OR4K15: variants seen among roughly 807,000 people sequenced by gnomAD.
The protein encoded by OR4K15 is olfactory receptor 4K15.
For synonymous variants in OR4K15, 144 were observed against 145.6 expected, an observed-to-expected ratio of 0.99 and a Z score of 0.08; for missense variants, 392 against 390.2, an observed-to-expected ratio of 1.00 and a Z score of -0.04.
At position 19,976,291 on chromosome 14, in the gene OR4K15, C is replaced by G; in HGVS notation, c.701C>G (p.Ala234Gly). The change falls in exon 1 of 1, where the codon GCG becomes GGG. Residue 234 changes from alanine (A) to glycine (G), a missense_variant. Physicochemically the swap from Ala to Gly is moderately conservative, Grantham distance 60. Coordinates refer to ENST00000305051, the MANE Select transcript of OR4K15 (RefSeq NM_001005486.2). ...AGGAATCGCTCCTCTGCAAGCATGG[C>G]GAAGGCCCGCTCCACATTGACTGCT... ...TVRNRSSASM[A>G]KARSTLTAHI... is the part of the protein sequence containing the mutation. 1 of 1,613,712 alleles carries G rather than the reference C, an allele frequency of 6.2e-7. No homozygotes were observed. Among genetic ancestry groups the G allele is most frequent in the Non-Finnish European group, 8.5e-7 (1 of 1,179,694 alleles).
chr14:19,975,963 G>T lies in OR4K15; in HGVS notation c.373G>T (p.Ala125Ser), dbSNP rs1200370361. 1.2e-6 allele frequency: 2 copies of T among 1,613,594 alleles called. No individual in the cohort carries two copies. The highest frequency in any genetic ancestry group is 1.7e-6 in the Non-Finnish European group (2 of 1,179,784). The change falls in exon 1 of 1, where the codon GCT becomes TCT. Residue 125 changes from alanine to serine, a missense_variant. Transcript: ENST00000305051. The stretch of plus-strand genomic sequence containing the variant: ...TTCCATGGCCTATGACCGTTATGTT[G>T]CTATATGCAAACCTCTCCACTACAT... ...LVSMAYDRYVAICKPLHYMTV... is the reference protein window; with the variant it reads ...LVSMAYDRYVSICKPLHYMTV...
rs4060024 is a variant in OR4K15 at position 19,975,784 on chromosome 14, A to G, written c.194A>G (p.Asn65Ser). Residue 65 changes from asparagine (N) to serine (S), a missense_variant, in exon 1 of 1, where the codon AAC becomes AGC. By Grantham distance (46) the Asn-to-Ser change is conservative. Transcript: ENST00000305051. The part of the protein sequence containing the change: ...LHTPMYFLLA[N>S]LSFIDVCVAS... The stretch of plus-strand genomic sequence containing the variant: ...ACCCCCATGTACTTTCTGCTTGCAA[A>G]CCTGTCATTTATAGACGTATGTGTT... 0.29 allele frequency: 472,477 copies of G among 1,612,162 alleles called. 77,696 individuals carry two copies. The highest frequency in any genetic ancestry group is 0.7 in the African/African-American group (52,605 of 74,664).
rs1883026168 is a variant in OR4K15 at position 19,976,211 on chromosome 14, T to C, written c.621T>C (p.Ser207=). The C allele has an allele frequency of 3.1e-6, 5 of 1,613,680 alleles. No individual in the cohort carries two copies. The highest frequency in any genetic ancestry group is 4.2e-6 in the Non-Finnish European group (5 of 1,179,662). The change falls in exon 1 of 1, where the codon TCT becomes TCC. Residue 207 remains serine (S), a synonymous_variant. Coordinates refer to ENST00000305051, the MANE Select transcript of OR4K15 (RefSeq NM_001005486.2). ...TAGTTGCAGATAGTGGCTTTCTTTC[T>C]CTGAGTTCCTTTCTCCTCTTGGTTG... ...LLIVADSGFL[S]LSSFLLLVVS...
At position 19,976,331 on chromosome 14, in the gene OR4K15, C is replaced by T. The variant is rs11158071; in HGVS notation, c.741C>T (p.Val247=). The T allele has an allele frequency of 0.65, 1,045,731 of 1,613,556 alleles. 348,674 individuals carry two copies. Among genetic ancestry groups the T allele is most frequent in the East Asian group, 0.84 (37,514 of 44,870 alleles). Residue 247 remains valine (V), a synonymous_variant, in exon 1 of 1, where the codon GTC becomes GTT. Transcript: ENST00000305051. ...RSTLTAHITV[V]TLFFGPCIFI... is the part of the protein sequence containing the mutation. ...CATTGACTGCTCACATCACTGTGGT[C>T]ACTTTATTCTTTGGACCATGCATTT...
Position 19,976,016 on chromosome 14 carries a change from T to C in OR4K15, c.426T>C (p.Val142=). The stretch of plus-strand genomic sequence containing the variant: ...CAGTCATGAGCCGTCGTGTATGTGT[T>C]GTGCTCGTCCTCATTTCATGGTTTG... ...YMTVMSRRVC[V]VLVLISWFVG... is the part of the protein sequence containing the mutation. Residue 142 remains valine, a synonymous_variant, in exon 1 of 1, where the codon GTT becomes GTC. Transcript: ENST00000305051. The C allele has an allele frequency of 1.2e-6, 2 of 1,613,848 alleles. No homozygotes were observed. Among genetic ancestry groups the C allele is most frequent in the Non-Finnish European group, 1.7e-6 (2 of 1,179,854 alleles).
At position 19,976,028 on chromosome 14, in the gene OR4K15, C is replaced by T. The variant is rs764872509; in HGVS notation, c.438C>T (p.Leu146=). 4 of 1,613,848 alleles carry T rather than the reference C, an allele frequency of 2.5e-6. No homozygotes were observed. In the South Asian group the frequency reaches 3.3e-5, roughly 13 times the overall value. Residue 146 remains leucine, a synonymous_variant, in exon 1 of 1, where the codon CTC becomes CTT. Coordinates refer to ENST00000305051, the MANE Select transcript of OR4K15 (RefSeq NM_001005486.2). ...MSRRVCVVLV[L]ISWFVGFIHT... is the part of the protein sequence containing the mutation. ...GTCGTGTATGTGTTGTGCTCGTCCTCATTTCATGGTTTGTGGGCTTCATCC... is the reference window on the plus strand; with the variant it reads ...GTCGTGTATGTGTTGTGCTCGTCCTTATTTCATGGTTTGTGGGCTTCATCC...
chr14:19,975,782 A>T lies in OR4K15; in HGVS notation c.192A>T (p.Ala64=), dbSNP rs747621554. 10 of 1,613,294 alleles carry T rather than the reference A, an allele frequency of 6.2e-6. No homozygotes were observed. The highest frequency in any genetic ancestry group is 8.5e-6 in the Non-Finnish European group (10 of 1,179,646). The stretch of plus-strand genomic sequence containing the variant: ...ACACCCCCATGTACTTTCTGCTTGC[A>T]AACCTGTCATTTATAGACGTATGTG... ...RLHTPMYFLL[A]NLSFIDVCVA... is the part of the protein sequence containing the mutation. Residue 64 remains alanine, a synonymous_variant, in exon 1 of 1, where the codon GCA becomes GCT. Coordinates refer to ENST00000305051, the MANE Select transcript of OR4K15 (RefSeq NM_001005486.2).
Position 19,976,481 on chromosome 14 carries a change from T to C in OR4K15, c.891T>C (p.Ala297=), listed in dbSNP as rs1883034983. The change falls in exon 1 of 1, where the codon GCT becomes GCC. Residue 297 remains alanine, a synonymous_variant. Coordinates refer to ENST00000305051, the MANE Select transcript of OR4K15 (RefSeq NM_001005486.2). ...YTLRNKEVKA[A]MSKLKSRYLK... ...TAAGAAACAAAGAAGTGAAGGCAGC[T>C]ATGTCAAAACTGAAGAGTCGGTATC... is the stretch of plus-strand genomic sequence containing the variant. 1 of 1,613,448 alleles carries C rather than the reference T, an allele frequency of 6.2e-7. No individual in the cohort carries two copies. The highest frequency in any genetic ancestry group is 1.3e-5 in the African/African-American group (1 of 74,894).
At position 19,976,195 on chromosome 14, in the gene OR4K15, A is replaced by G; in HGVS notation, c.605A>G (p.Asp202Gly). Residue 202 changes from aspartate (D) to glycine (G), a missense_variant, in exon 1 of 1, where the codon GAT (aspartate) becomes GGT (glycine). Physicochemically the swap from Asp to Gly is moderately conservative, Grantham distance 94. Transcript: ENST00000305051. ...GTTGTCAGCTTACTAATAGTTGCAGATAGTGGCTTTCTTTCTCTGAGTTCC... is the reference window on the plus strand; with the variant it reads ...GTTGTCAGCTTACTAATAGTTGCAGGTAGTGGCTTTCTTTCTCTGAGTTCC... ...TYVVSLLIVA[D>G]SGFLSLSSFL... 3 of 1,613,752 alleles carry G rather than the reference A, an allele frequency of 1.9e-6. No homozygotes were observed. The highest frequency in any genetic ancestry group is 1.7e-6 in the Non-Finnish European group (2 of 1,179,702).
chr14:19,975,637 G>T lies in OR4K15; in HGVS notation c.47G>T (p.Gly16Val). ...HSRVTEFVLL[G>V]LSSSRELQPF... ...CGGGTGACAGAATTTGTGTTGCTGG[G>T]ACTGTCTAGTTCAAGGGAGCTCCAA... The change falls in exon 1 of 1, where the codon GGA (glycine) becomes GTA (valine). Residue 16 changes from glycine (G) to valine (V), a missense_variant. Physicochemically the swap from Gly to Val is moderately radical, Grantham distance 109. Coordinates refer to ENST00000305051, the MANE Select transcript of OR4K15 (RefSeq NM_001005486.2). 1 of 1,613,374 alleles carries T rather than the reference G, an allele frequency of 6.2e-7. No individual in the cohort carries two copies. Among genetic ancestry groups the T allele is most frequent in the Non-Finnish European group, 8.5e-7 (1 of 1,179,540 alleles).
Position 19,975,854 on chromosome 14 carries a change from G to A in OR4K15, c.264G>A (p.Glu88=), listed in dbSNP as rs1883016472. ...TPKMIADFLV[E]RKTISFDACL... is the part of the protein sequence containing the mutation. The stretch of plus-strand genomic sequence containing the variant: ...AAATGATTGCAGACTTTCTGGTTGA[G>A]CGCAAGACTATTTCTTTTGATGCCT... The change falls in exon 1 of 1, where the codon GAG becomes GAA. Residue 88 remains glutamate (E), a synonymous_variant. Coordinates refer to ENST00000305051, the MANE Select transcript of OR4K15 (RefSeq NM_001005486.2). 1.9e-6 allele frequency: 3 copies of A among 1,613,548 alleles called. No individual in the cohort carries two copies. Among genetic ancestry groups the A allele is most frequent in the Non-Finnish European group, 1.7e-6 (2 of 1,179,730 alleles).
rs141860442 is a variant in OR4K15 at position 19,976,273 on chromosome 14, G to A, written c.683G>A (p.Arg228His). The A allele has an allele frequency of 1.1e-5, 17 of 1,613,506 alleles. No individual in the cohort carries two copies. The African/African-American group carries it at 1.7e-4, about 16-fold the overall frequency. ...GTAATACTTGTTACAGTTAGGAATC[G>A]CTCCTCTGCAAGCATGGCGAAGGCC... is the stretch of plus-strand genomic sequence containing the variant. ...YTVILVTVRN[R>H]SSASMAKARS... Residue 228 changes from arginine to histidine, a missense_variant, in exon 1 of 1, where the codon CGC (arginine) becomes CAC (histidine). By Grantham distance (29) the Arg-to-His change is conservative. Coordinates refer to ENST00000305051, the MANE Select transcript of OR4K15 (RefSeq NM_001005486.2).
rs201782415 is a variant in OR4K15, at chr14:19,976,310, G to T, written c.720G>T (p.Leu240Phe). The change falls in exon 1 of 1, where the codon TTG becomes TTT. Residue 240 changes from leucine to phenylalanine, a missense_variant. Physicochemically the swap from Leu to Phe is conservative, Grantham distance 22 (BLOSUM62 0). Transcript: ENST00000305051. ...SASMAKARST[L>F]TAHITVVTLF... ...GCATGGCGAAGGCCCGCTCCACATT[G>T]ACTGCTCACATCACTGTGGTCACTT... 1.9e-4 allele frequency: 303 copies of T among 1,613,652 alleles called. No homozygotes were observed. Among genetic ancestry groups the T allele is most frequent in the Non-Finnish European group, 2.5e-4 (290 of 1,179,770 alleles).
Position 19,975,629 on chromosome 14 carries a change from G to T in OR4K15, c.39G>T (p.Val13=). 1 of 1,613,402 alleles carries T rather than the reference G, an allele frequency of 6.2e-7. No individual in the cohort carries two copies. Among genetic ancestry groups the T allele is most frequent in the Non-Finnish European group, 8.5e-7 (1 of 1,179,512 alleles). Residue 13 remains valine (V), a synonymous_variant, in exon 1 of 1, where the codon GTG becomes GTT. Transcript: ENST00000305051. ...ETNHSRVTEF[V]LLGLSSSREL... is the part of the protein sequence containing the mutation. ...ATCATTCTCGGGTGACAGAATTTGTGTTGCTGGGACTGTCTAGTTCAAGGG... is the reference window on the plus strand; with the variant it reads ...ATCATTCTCGGGTGACAGAATTTGTTTTGCTGGGACTGTCTAGTTCAAGGG...
Position 19,976,221 on chromosome 14 carries a change from T to A in OR4K15, c.631T>A (p.Phe211Ile). 1.2e-6 allele frequency: 2 copies of A among 1,613,674 alleles called. No individual in the cohort carries two copies. Among genetic ancestry groups the A allele is most frequent in the Non-Finnish European group, 1.7e-6 (2 of 1,179,676 alleles). The part of the protein sequence containing the change: ...ADSGFLSLSS[F>I]LLLVVSYTVI... ...TAGTGGCTTTCTTTCTCTGAGTTCC[T>A]TTCTCCTCTTGGTTGTCTCCTACAC... Residue 211 changes from phenylalanine to isoleucine, a missense_variant, in exon 1 of 1, where the codon TTT becomes ATT. Phe to Ile is a conservative substitution (Grantham distance 21). Transcript: ENST00000305051.
At position 19,976,232 on chromosome 14, in the gene OR4K15, G is replaced by T; in HGVS notation, c.642G>T (p.Leu214Phe). ...GFLSLSSFLL[L>F]VVSYTVILVT... is the part of the protein sequence containing the mutation. ...TTTCTCTGAGTTCCTTTCTCCTCTT[G>T]GTTGTCTCCTACACTGTAATACTTG... The change falls in exon 1 of 1, where the codon TTG becomes TTT. Residue 214 changes from leucine to phenylalanine, a missense_variant. By Grantham distance (22) the Leu-to-Phe change is conservative (BLOSUM62 0). Coordinates refer to ENST00000305051, the MANE Select transcript of OR4K15 (RefSeq NM_001005486.2). The T allele has an allele frequency of 2.5e-6, 4 of 1,613,584 alleles. No homozygotes were observed. The Middle Eastern group carries it at 5.0e-4, about 200-fold the overall frequency.
rs1363583594 is a variant in OR4K15, at chr14:19,975,616, T to C, written c.26T>C (p.Val9Ala). 6.2e-7 allele frequency: 1 copy of C among 1,613,264 alleles called. No homozygotes were observed. The highest frequency in any genetic ancestry group is 1.3e-5 in the African/African-American group (1 of 74,880). ...ATGAATGAGACAAATCATTCTCGGG[T>C]GACAGAATTTGTGTTGCTGGGACTG... Reference protein sequence around the residue: MNETNHSRVTEFVLLGLSS... With the variant: MNETNHSRATEFVLLGLSS... The change falls in exon 1 of 1, where the codon GTG becomes GCG. Residue 9 changes from valine to alanine, a missense_variant. Val to Ala is a moderately conservative substitution (Grantham distance 64). Transcript: ENST00000305051.
chr14:19,975,856 G>C lies in OR4K15; in HGVS notation c.266G>C (p.Arg89Pro). The change falls in exon 1 of 1, where the codon CGC becomes CCC. Residue 89 changes from arginine (R) to proline (P), a missense_variant. By Grantham distance (103) the Arg-to-Pro change is moderately radical. Transcript: ENST00000305051. ...ATGATTGCAGACTTTCTGGTTGAGC[G>C]CAAGACTATTTCTTTTGATGCCTGC... ...PKMIADFLVE[R>P]KTISFDACLA... 1.2e-6 allele frequency: 2 copies of C among 1,613,498 alleles called. No homozygotes were observed. Among genetic ancestry groups the C allele is most frequent in the Non-Finnish European group, 1.7e-6 (2 of 1,179,696 alleles).
In OR4K15 at chr14:19,976,314, G is replaced by A. The variant is rs770529200; in HGVS notation, c.724G>A (p.Ala242Thr). The change falls in exon 1 of 1, where the codon GCT becomes ACT. Residue 242 changes from alanine (A) to threonine (T), a missense_variant. Coordinates refer to ENST00000305051, the MANE Select transcript of OR4K15 (RefSeq NM_001005486.2). The stretch of plus-strand genomic sequence containing the variant: ...GGCGAAGGCCCGCTCCACATTGACT[G>A]CTCACATCACTGTGGTCACTTTATT... ...SMAKARSTLT[A>T]HITVVTLFFG... The A allele has an allele frequency of 5.0e-6, 8 of 1,613,422 alleles. No individual in the cohort carries two copies. The Admixed American group carries it at 6.7e-5, about 13-fold the overall frequency.
Sources: allele counts gnomAD v4.1 joint callset, GRCh38; gene constraint gnomAD v4.1.1; transcripts MANE v1.5; gene names NCBI Gene and HGNC (gene_info 2026-07-23, HGNC 2026-07-21).